The following NRG4 variants were observed in gnomAD, a reference collection of about 807,000 sequenced individuals.
NRG4 encodes the protein neuregulin 4, also known as pro-neuregulin-4, membrane-bound isoform.
A neutral mutation model predicts 15.0 loss-of-function variants in NRG4; 10 were observed. That is an observed-to-expected ratio of 0.67 (90% CI 0.41 to 1.13). NRG4 has a LOEUF of 1.13. Ranked by LOEUF, NRG4 falls within the 50% of genes most tolerant of loss-of-function variation. NRG4 has a pLI of 0.00. For missense variants in NRG4, 139 were observed against 140.2 expected, an observed-to-expected ratio of 0.99 and a Z score of 0.04; for synonymous variants, 41 against 50.1, an observed-to-expected ratio of 0.82 and a Z score of 0.77.
chr15:76,017,999 A>G lies in NRG4; in HGVS notation c.-56-6713T>C, dbSNP rs567606363. On this transcript the variant is annotated intron_variant, in intron 5 of 8. Transcript: ENST00000563910. ...AGGTTTGGTCTTTTCACATAGTCCC[A>G]TATTTCTTGGAGGCTCGTTTGTTTC... 2.6e-3 allele frequency among the ~76,000 whole-genome samples: 390 copies of G among 151,962 alleles called. 3 individuals carry two copies. The highest frequency in any genetic ancestry group is 9.0e-3 in the African/African-American group (374 of 41,482).
chr15:76,039,606 A>G (rs1048387560), intron 4 of NRG4, among the ~76,000 whole-genome samples: 1 of 152,220 alleles, frequency 6.6e-6, no homozygotes. Flanking sequence ...GCACACCTAC[A>G]TTATCTAGAA....
chr15:76,005,454 G>A (rs1190866333), intron 3 of NRG4, among the ~76,000 whole-genome samples: 2 of 151,492 alleles, frequency 1.3e-5, no homozygotes, highest in Non-Finnish European at 2.9e-5. Context: ...GGAAGCCCGA[G>A]GTGGGTGGAT....
chr15:75,976,853 G>C (rs2460807), intron 3 of NRG4, among the ~76,000 whole-genome samples: 9,198 of 152,266 alleles, frequency 0.06, 576 homozygotes, highest in African/African-American at 0.17. Flanking sequence ...CAGAGCTTGA[G>C]TGCTGTGCTG....
chr15:75,981,558 G>A (rs559646548), intron 3 of NRG4, among the ~76,000 whole-genome samples: 1 of 152,210 alleles, frequency 6.6e-6, no homozygotes, highest in Admixed American at 6.5e-5. Context: ...AGTAGGTGGA[G>A]GCCTAAGGGG....
At chr15:76,019,985 G>A (rs2035102937) in intron 5 of NRG4, among the ~76,000 whole-genome samples, 1 of 152,052 alleles carries the variant, frequency 6.6e-6, no homozygotes, top group South Asian at 2.1e-4. Flanking sequence ...CTCACTTCAC[G>A]TTTCTGTGTC....
At chr15:76,041,020 G>A (rs1401875009) in intron 4 of NRG4, among the ~76,000 whole-genome samples, 1 of 152,158 alleles carries the variant, frequency 6.6e-6, no homozygotes, top group African/African-American at 2.4e-5. Flanking sequence ...GCAAGAGGAT[G>A]AAGTTAAAGT....
At chr15:76,057,972 G>T (rs1030504855) in intron 1 of NRG4, among the ~76,000 whole-genome samples, 1 of 151,584 alleles carries the variant, frequency 6.6e-6, no homozygotes, top group African/African-American at 2.4e-5. Flanking sequence ...AATTTGAAGT[G>T]GTCTTCAAAT....
intron 3 of NRG4, among the ~76,000 whole-genome samples, chr15:76,003,728 T>A (rs2034495918): frequency 6.6e-6 from 1 of 152,130 alleles, no homozygotes; most frequent in East Asian, 1.9e-4. Flanking sequence ...AATGAGATTA[T>A]CAACAGATTT....
intron 5 of NRG4, among the ~76,000 whole-genome samples, chr15:76,030,234 A>T (rs1289771219): frequency 6.6e-6 from 1 of 152,052 alleles, no homozygotes; most frequent in African/African-American, 2.4e-5. Flanking sequence ...ACTCCAGCCT[A>T]GGCAACAGAG....
At chr15:76,051,655 C>T (rs980288365) in intron 4 of NRG4, among the ~76,000 whole-genome samples, 21 of 149,714 alleles carry the variant, frequency 1.4e-4, no homozygotes, top group Admixed American at 2.0e-4. Flanking sequence ...GCTCCGCCTC[C>T]GGGGTTCATG....
intron 5 of NRG4, among the ~76,000 whole-genome samples, chr15:76,035,208 T>A (rs944430547): frequency 1.3e-5 from 2 of 152,218 alleles, no homozygotes; most frequent in Non-Finnish European, 2.9e-5. Context: ...ATGCTTGTCA[T>A]CTCATGGTTA....
intron 1 of NRG4, 49 bp downstream of exon 1, chr15:76,012,270 C>T: frequency 6.6e-6 from 1 of 152,188 alleles, no homozygotes; most frequent in East Asian, 1.9e-4. Flanking sequence ...CTGACTCATA[C>T]TGTTTCTTTT....
At chr15:76,041,004 T>G (rs2035723269) in intron 4 of NRG4, among the ~76,000 whole-genome samples, 1 of 152,158 alleles carries the variant, frequency 6.6e-6, no homozygotes, top group South Asian at 2.1e-4. Flanking sequence ...AACACAAAGT[T>G]AAAAAGCAAG....
intron 4 of NRG4, among the ~76,000 whole-genome samples, chr15:76,047,327 C>G (rs921308819): frequency 2.0e-5 from 3 of 150,902 alleles, no homozygotes; most frequent in African/African-American, 7.4e-5. Flanking sequence ...GCACTCCCGT[C>G]TATACTGCAG....
chr15:76,020,657 T>A (rs996942694), intron 5 of NRG4, among the ~76,000 whole-genome samples: 1 of 152,228 alleles, frequency 6.6e-6, no homozygotes, highest in Admixed American at 6.5e-5. Flanking sequence ...TGAATTTGTG[T>A]TGTGTGGCAT....
downstream of NRG4, chr15:75,936,165 T>C (rs1170374285): frequency 3.3e-5 from 5 of 152,232 alleles, no homozygotes; most frequent in African/African-American, 1.2e-4. Context: ...ATACCCAGTC[T>C]GGCCCAGGTT....
chr15:75,952,282 C>T (rs1277576188), intron 5 of NRG4, among the ~76,000 whole-genome samples: 1 of 152,164 alleles, frequency 6.6e-6, no homozygotes, highest in East Asian at 1.9e-4. Flanking sequence ...AATCTACTGT[C>T]TGTCTCTATA....
downstream of NRG4, chr15:75,940,603 C>T (rs1318937417): frequency 4.6e-5 from 7 of 152,118 alleles, no homozygotes; most frequent in East Asian, 1.2e-3. Flanking sequence ...TATAATGCTA[C>T]AGTAATCAAA....
chr15:76,034,894 T>C (rs2035564276), intron 5 of NRG4, among the ~76,000 whole-genome samples: 1 of 152,158 alleles, frequency 6.6e-6, no homozygotes, highest in Non-Finnish European at 1.5e-5. Flanking sequence ...TTCACCCCCT[T>C]CTATAGGATC....
Sources: gnomAD v4.1 joint callset for allele counts (sites outside exome capture counted in the v4.1 genomes callset) on GRCh38, gnomAD v4.1.1 for gene constraint, MANE v1.5 for transcripts, NCBI Gene and HGNC (gene_info 2026-07-23, HGNC 2026-07-21) for gene names.